IPMK: variants seen among roughly 807,000 people sequenced by gnomAD.
The protein encoded by IPMK is inositol 1,3,4,6-tetrakisphosphate 5-kinase.
A neutral mutation model predicts 45.8 loss-of-function variants in IPMK; 17 were observed. The observed-to-expected ratio is 0.37, with a 90% confidence interval of 0.25 to 0.56. IPMK has a LOEUF of 0.56. IPMK is among the 20% of genes least tolerant of loss of function. The probability of loss-of-function intolerance (pLI) is 0.79; values close to 1 mark genes in which losing one functional copy is unlikely to be tolerated. For synonymous variants in IPMK, 180 were observed against 184.3 expected (o/e 0.98, Z 0.19); for missense variants, 399 against 498.0 (o/e 0.80, Z 1.89).
intron 1 of IPMK, among the ~76,000 whole-genome samples, chr10:58,266,601 C>T (rs1021815944): frequency 6.6e-6 from 1 of 152,180 alleles, no homozygotes; most frequent in Admixed American, 6.5e-5. Context: ...ACAATACTCA[C>T]ATACTCATCC....
chr10:58,243,471 G>C (rs1444769471), intron 1 of IPMK, among the ~76,000 whole-genome samples: 1 of 152,166 alleles, frequency 6.6e-6, no homozygotes, highest in African/African-American at 2.4e-5. Context: ...TCGGGCTCGG[G>C]TGATTCTCCT....
At chr10:58,247,839 C>G (rs1022953101) in intron 1 of IPMK, among the ~76,000 whole-genome samples, 2 of 152,034 alleles carry the variant, frequency 1.3e-5, no homozygotes, top group African/African-American at 4.8e-5. Context: ...ATTAGAAATG[C>G]AAGGCTTTTG....
chr10:58,230,729 C>T (rs529789213), intron 2 of IPMK, among the ~76,000 whole-genome samples: 4 of 152,274 alleles, frequency 2.6e-5, no homozygotes, highest in Non-Finnish European at 4.4e-5. Flanking sequence ...GAAACTAGAG[C>T]AGAAAAGCAG....
chr10:58,211,355 C>T (rs11006081), intron 4 of IPMK, among the ~76,000 whole-genome samples: 1 of 152,044 alleles, frequency 6.6e-6, no homozygotes, highest in African/African-American at 2.4e-5. Flanking sequence ...CCATATGCAA[C>T]TAATTTTAAT....
chr10:58,218,879 A>G (rs973577196), intron 3 of IPMK, among the ~76,000 whole-genome samples: 1 of 152,228 alleles, frequency 6.6e-6, no homozygotes, highest in African/African-American at 2.4e-5. Flanking sequence ...TAGTGGAAAT[A>G]CAATAAATGT....
chr10:58,193,826 C>T lies in IPMK; in HGVS notation c.*2250G>A, dbSNP rs1280747625. On this transcript the variant is annotated 3_prime_UTR_variant, in exon 6 of 6. Coordinates refer to ENST00000373935, the MANE Select transcript of IPMK (RefSeq NM_152230.5). Reference sequence around the variant, plus strand: ...TAAATTTCAGCATAATATTAAGTGACCGAGAGAGACTAAGATAGTCACATG... The same window carrying T: ...TAAATTTCAGCATAATATTAAGTGATCGAGAGAGACTAAGATAGTCACATG... 1 of 151,644 alleles carries T rather than the reference C, an allele frequency of 6.6e-6. No homozygotes were observed. The highest frequency in any genetic ancestry group is 1.5e-5 in the Non-Finnish European group (1 of 67,680). The allele number at this position is 151,644 out of a possible 1,614,324, so 9.4% of individuals were successfully genotyped here. A position where few individuals can be genotyped will look rare whatever the true frequency, so the allele number is the denominator to read the frequency against.
At chr10:58,252,439 T>G (rs1588971239) in intron 1 of IPMK, among the ~76,000 whole-genome samples, 1 of 70,610 alleles carries the variant, frequency 1.4e-5, no homozygotes, top group East Asian at 6.5e-4. Flanking sequence ...TTTGACTGTT[T>G]TTTTTTTTTT....
intron 4 of IPMK, among the ~76,000 whole-genome samples, chr10:58,204,998 C>T (rs1838051401): frequency 1.3e-5 from 2 of 152,020 alleles, no homozygotes; most frequent in Non-Finnish European, 2.9e-5. Flanking sequence ...GTCCTATCAA[C>T]AAATGGTGCT....
chr10:58,254,809 C>T (rs753849694), intron 1 of IPMK, among the ~76,000 whole-genome samples: 12 of 152,202 alleles, frequency 7.9e-5, no homozygotes, highest in South Asian at 2.1e-4. Context: ...TAATTCATTG[C>T]CCTGTCATTG....
At chr10:58,206,787 C>T (rs1052034172) in intron 4 of IPMK, among the ~76,000 whole-genome samples, 1 of 152,212 alleles carries the variant, frequency 6.6e-6, no homozygotes, top group Admixed American at 6.5e-5. Flanking sequence ...GCATCCCACC[C>T]TTCCTCAAGT....
chr10:58,229,498 G>A (rs1384016012), intron 2 of IPMK, among the ~76,000 whole-genome samples: 2 of 145,768 alleles, frequency 1.4e-5, no homozygotes, highest in Non-Finnish European at 3.0e-5. Flanking sequence ...GGGAGGTGGA[G>A]GTTGCAGTGA....
intron 4 of IPMK, among the ~76,000 whole-genome samples, chr10:58,199,665 A>G (rs1345641855): frequency 6.6e-6 from 1 of 152,212 alleles, no homozygotes; most frequent in Non-Finnish European, 1.5e-5. Context: ...AAAATATTTT[A>G]TCATGATGTC....
At chr10:58,246,567 T>A (rs1397193306) in intron 1 of IPMK, among the ~76,000 whole-genome samples, 1 of 132,670 alleles carries the variant, frequency 7.5e-6, no homozygotes, top group Admixed American at 6.9e-5. Flanking sequence ...GATTCCCTAT[T>A]GAATAAATGG....
At chr10:58,260,716 C>T (rs1839051373) in intron 1 of IPMK, among the ~76,000 whole-genome samples, 1 of 151,794 alleles carries the variant, frequency 6.6e-6, no homozygotes, top group South Asian at 2.1e-4. Context: ...AGGGAAAAGC[C>T]TAGTAAACAA....
chr10:58,262,823 A>G (rs966991327), intron 1 of IPMK, among the ~76,000 whole-genome samples: 1 of 152,252 alleles, frequency 6.6e-6, no homozygotes, highest in African/African-American at 2.4e-5. Context: ...TCAAATAGGA[A>G]TCCATGATGC....
At chr10:58,251,333 T>C (rs558568929) in intron 1 of IPMK, among the ~76,000 whole-genome samples, 12 of 152,196 alleles carry the variant, frequency 7.9e-5, no homozygotes, top group Non-Finnish European at 1.5e-4. Flanking sequence ...CTGGGTTTAT[T>C]CTGTGTGGTC....
intron 2 of IPMK, 33 bp from the exon 3 acceptor site, chr10:58,227,172 T>C: frequency 1.4e-6 from 2 of 1,449,528 alleles, no homozygotes; most frequent in African/African-American, 1.4e-5. Flanking sequence ...TGCTAGATTC[T>C]TACAATGCTT....
intron 1 of IPMK, among the ~76,000 whole-genome samples, chr10:58,252,255 AACTCTAT>A (rs1224184870): frequency 1.3e-5 from 2 of 152,338 alleles, no homozygotes; most frequent in East Asian, 3.9e-4. Context: ...ATCAAAAACA[AACTCTAT>A]ACTTTAACAC....
At chr10:58,201,847 A>G (rs1449650418) in intron 4 of IPMK, among the ~76,000 whole-genome samples, 3 of 152,200 alleles carry the variant, frequency 2.0e-5, no homozygotes, top group African/African-American at 7.2e-5. Context: ...CACACAAATG[A>G]TAAGAAAGTG....
Sources: allele counts gnomAD v4.1 joint callset (sites outside exome capture counted in the v4.1 genomes callset), GRCh38; gene constraint gnomAD v4.1.1; transcripts MANE v1.5; gene names NCBI Gene and HGNC (gene_info 2026-07-23, HGNC 2026-07-21).